The following MCU variants were observed in gnomAD, a reference collection of about 807,000 sequenced individuals.
MCU encodes the protein mitochondrial calcium uniporter.
Under a neutral mutation model 45.2 loss-of-function variants are expected in MCU, and 12 were observed. The observed-to-expected ratio is 0.27, with a 90% CI of 0.17 to 0.43. The LOEUF is 0.43. MCU is among the 20% of genes least tolerant of loss of function. The probability of loss-of-function intolerance (pLI) is 1.00; values close to 1 mark genes in which losing one functional copy is unlikely to be tolerated. For missense variants in MCU, 324 were observed against 436.7 expected, an observed-to-expected ratio of 0.74 and a Z score of 2.30; for synonymous variants, 160 against 165.1, an observed-to-expected ratio of 0.97 and a Z score of 0.24.
At chr10:72,862,089 C>T (rs950129306) in intron 4 of MCU, among the ~76,000 whole-genome samples, 1 of 150,562 alleles carries the variant, frequency 6.6e-6, no homozygotes, top group Admixed American at 6.6e-5. Context: ...TCACGCCATT[C>T]TCCTGCCTCA....
chr10:72,775,512 T>G (rs1169980672), intron 1 of MCU, among the ~76,000 whole-genome samples: 1 of 151,826 alleles, frequency 6.6e-6, no homozygotes, highest in Non-Finnish European at 1.5e-5. Flanking sequence ...CCAAAATTAG[T>G]AGTAGGAAAG....
In MCU at chr10:72,883,529, AT is replaced by A. The variant is rs752373851; in HGVS notation, c.862-733del. Among the ~76,000 whole-genome samples, 8 of 152,198 alleles carry A rather than the reference AT, an allele frequency of 5.3e-5. No homozygotes were observed. In the East Asian group the frequency reaches 5.8e-4, roughly 11 times the overall value. The stretch of plus-strand genomic sequence containing the variant: ...TGATAGAAGTATAATTGGTACAACC[AT>A]TTTGGAAACTGTTTATCATCACTGC... On this transcript the variant is annotated intron_variant, in intron 6 of 7. Coordinates refer to ENST00000373053, the MANE Select transcript of MCU (RefSeq NM_138357.3).
chr10:72,742,002 G>A (rs1393233517), intron 1 of MCU, among the ~76,000 whole-genome samples: 8 of 121,032 alleles, frequency 6.6e-5, no homozygotes, highest in East Asian at 6.0e-4. Context: ...CAGCCTGGGC[G>A]ACAGAGCAAG....
chr10:72,854,273 C>T (rs769351035), intron 2 of MCU, among the ~76,000 whole-genome samples: 21 of 151,948 alleles, frequency 1.4e-4, no homozygotes, highest in African/African-American at 4.1e-4. Context: ...GCCTGGGCAA[C>T]GGAATGAGAC....
intron 1 of MCU, among the ~76,000 whole-genome samples, chr10:72,710,086 C>T (rs781690361): frequency 6.6e-6 from 1 of 152,188 alleles, no homozygotes; most frequent in Non-Finnish European, 1.5e-5. Context: ...AGCAATTCTC[C>T]TGCCTCAGCC....
intron 1 of MCU, among the ~76,000 whole-genome samples, chr10:72,720,014 T>G (rs978048336): frequency 9.2e-5 from 14 of 152,092 alleles, no homozygotes; most frequent in Non-Finnish European, 1.9e-4. Flanking sequence ...TGGGACTGAT[T>G]ACAGGTGCAA....
At chr10:72,735,807 A>T (rs1238299963) in intron 1 of MCU, among the ~76,000 whole-genome samples, 1 of 152,192 alleles carries the variant, frequency 6.6e-6, no homozygotes, top group Non-Finnish European at 1.5e-5. Flanking sequence ...GAAGGTGCCT[A>T]ATTATATAGA....
At chr10:72,871,347 A>G (rs1166770243) in intron 5 of MCU, 30 bp from the exon 6 acceptor site, 3 of 1,607,516 alleles carry the variant, frequency 1.9e-6, no homozygotes, top group African/African-American at 1.3e-5. Context: ...TTTTATGTCA[A>G]AATGCCTTAT....
intron 1 of MCU, among the ~76,000 whole-genome samples, chr10:72,820,066 A>T (rs182460164): frequency 4.5e-4 from 69 of 152,302 alleles, no homozygotes; most frequent in Non-Finnish European, 8.5e-4. Context: ...GGAAGAAATA[A>T]TCATGCTAGA....
At chr10:72,824,722 T>C (rs1844770529) in intron 1 of MCU, among the ~76,000 whole-genome samples, 1 of 152,156 alleles carries the variant, frequency 6.6e-6, no homozygotes, top group Non-Finnish European at 1.5e-5. Flanking sequence ...AAACAACACA[T>C]GGGAGGGTAG....
At chr10:72,857,022 C>T (rs1263069624) in intron 2 of MCU, among the ~76,000 whole-genome samples, 2 of 151,492 alleles carry the variant, frequency 1.3e-5, no homozygotes, top group African/African-American at 4.9e-5. Flanking sequence ...TCATAGCTCA[C>T]TGTAGATTCA....
Position 72,778,741 on chromosome 10 carries a change from A to G in MCU, c.151-55618A>G, listed in dbSNP as rs754271354. On this transcript the variant is annotated intron_variant, in intron 1 of 7. Transcript: ENST00000373053. ...CGATTGAATATTTGACTAACTGGTC[A>G]AACTAGATTTTGACTGTTAATATAA... Among the ~76,000 whole-genome samples the G allele has an allele frequency of 2.4e-4, 37 of 152,210 alleles. 1 individual carries two copies. The highest frequency in any genetic ancestry group is 4.9e-4 in the Non-Finnish European group (33 of 68,038).
chr10:72,818,679 A>G (rs1462391239), intron 1 of MCU, among the ~76,000 whole-genome samples: 1 of 152,050 alleles, frequency 6.6e-6, no homozygotes, highest in Non-Finnish European at 1.5e-5. Flanking sequence ...TGTCTCTACT[A>G]AAAATACAAA....
intron 1 of MCU, among the ~76,000 whole-genome samples, chr10:72,795,131 TC>T (rs1844224008): frequency 1.3e-5 from 2 of 152,216 alleles, no homozygotes; most frequent in South Asian, 4.1e-4. Context: ...CAAAATTCTG[TC>T]CTAAAATCTC....
intron 1 of MCU, among the ~76,000 whole-genome samples, chr10:72,805,101 C>CTCTTTCTTTCTTCCTTTCTTTCTTTCTT (rs1554824917): frequency 9.7e-6 from 1 of 103,398 alleles, no homozygotes; most frequent in Non-Finnish European, 1.9e-5. Context: ...TTCTTTCTTT[C>CTCTTTCTTTCTTCCTTTCTTTCTTTCTT]TCTTTCTTTC....
chr10:72,715,938 C>T (rs964537340), intron 1 of MCU: 7 of 968,060 alleles, frequency 7.2e-6, no homozygotes, highest in Non-Finnish European at 8.6e-6. Context: ...CATTTTCTCC[C>T]TGCAAGCAAA....
rs976633558 is a variant in MCU at position 72,774,418 on chromosome 10, C to G, written c.151-59941C>G. The stretch of plus-strand genomic sequence containing the variant: ...AGTACAAAAACCTATAATAGACTTA[C>G]TAAAAACACAACAAATTAAAAACAG... On this transcript the variant is annotated intron_variant, in intron 1 of 7. Transcript: ENST00000373053. Among the ~76,000 whole-genome samples, 36 of 151,960 alleles carry G rather than the reference C, an allele frequency of 2.4e-4. 1 individual carries two copies. Among genetic ancestry groups the G allele is most frequent in the African/African-American group, 8.5e-4 (35 of 41,352 alleles).
rs547181214 is a variant in MCU at position 72,704,746 on chromosome 10, G to T, written c.150+12445G>T. ...TTTTTTTTTTTTGAGACGGAGTCTC[G>T]CTCTGTAGCCCAGGCTGGAGTGCAG... is the stretch of plus-strand genomic sequence containing the variant. On this transcript the variant is annotated intron_variant, in intron 1 of 7. Transcript: ENST00000373053. Among the ~76,000 whole-genome samples, 8 of 125,846 alleles carry T rather than the reference G, an allele frequency of 6.4e-5. No individual in the cohort carries two copies. In the Admixed American group the frequency reaches 8.5e-4, roughly 13 times the overall value. The allele number at this position is 125,846 out of a possible 152,430, so 82.6% of individuals were successfully genotyped here.
At chr10:72,777,992 A>G (rs1336708384) in intron 1 of MCU, among the ~76,000 whole-genome samples, 3 of 152,218 alleles carry the variant, frequency 2.0e-5, no homozygotes, top group South Asian at 2.1e-4. Flanking sequence ...ATTTCATCCC[A>G]GTTAAAATGT....
Sources: gnomAD v4.1 joint callset for allele counts (sites outside exome capture counted in the v4.1 genomes callset) on GRCh38, gnomAD v4.1.1 for gene constraint, MANE v1.5 for transcripts, NCBI Gene and HGNC (gene_info 2026-07-23, HGNC 2026-07-21) for gene names.